Variants in CPS1 observed in about 807,000 individuals in gnomAD.
CPS1 encodes carbamoyl-phosphate synthase [ammonia], mitochondrial.
A neutral mutation model predicts 174.6 loss-of-function variants in CPS1; 109 were observed. The ratio of observed to expected loss-of-function variants is 0.62; its 90% CI spans 0.53 to 0.73. The LOEUF is 0.73. CPS1 is among the 30% of genes least tolerant of loss of function. CPS1 has a pLI of 0.00. For missense variants in CPS1, 1,689 were observed against 1,821.9 expected, an observed-to-expected ratio of 0.93 and a Z score of 1.33; for synonymous variants, 637 against 632.0, an observed-to-expected ratio of 1.01 and a Z score of -0.12.
chr2:210,564,065 T>G (rs915722446), intron 1 of CPS1, among the ~76,000 whole-genome samples: 4 of 152,208 alleles, frequency 2.6e-5, no homozygotes, highest in Admixed American at 1.3e-4. Context: ...AAATGTAGGC[T>G]TACAATGAAT....
In CPS1 at chr2:210,497,194, T is replaced by G. The variant is rs77447834; in HGVS notation, c.3+19428T>G. On this transcript the variant is annotated intron_variant, in intron 1 of 38. Transcript: ENST00000430249. ...AAAAAATGTATTACTGTTTTATATC[T>G]ACTTTTGTTTCAAATAATCTTTAAG... Among the ~76,000 whole-genome samples the G allele has an allele frequency of 4.5e-3, 681 of 152,302 alleles. 1 individual carries two copies. The highest frequency in any genetic ancestry group is 7.5e-3 in the Admixed American group (114 of 15,288).
At chr2:210,662,457 A>G (rs1700955740) in intron 32 of CPS1, among the ~76,000 whole-genome samples, 1 of 152,176 alleles carries the variant, frequency 6.6e-6, no homozygotes, top group South Asian at 2.1e-4. Context: ...CAATGGAGCA[A>G]TTGATAAAAT....
At chr2:210,594,456 G>T (rs1698415270) in intron 11 of CPS1, 52 bp from the exon 12 acceptor site, 1 of 1,250,266 alleles carries the variant, frequency 8.0e-7, no homozygotes, top group Admixed American at 1.7e-5. Flanking sequence ...GTTTTATCTG[G>T]TGAACTTAGG....
chr2:210,667,212 T>G (rs898813188), intron 33 of CPS1, among the ~76,000 whole-genome samples: 8 of 152,204 alleles, frequency 5.3e-5, no homozygotes, highest in African/African-American at 1.9e-4. Context: ...GCTTATCAGC[T>G]TAAGGAGATT....
chr2:210,663,270 A>G (rs1171259486), intron 33 of CPS1, 73 bp downstream of exon 33: 3 of 1,388,236 alleles, frequency 2.2e-6, no homozygotes, highest in East Asian at 4.6e-5. Flanking sequence ...ATTTGAATAC[A>G]GTAAAATAAA....
At chr2:210,633,687 G>A (rs1281681815) in intron 21 of CPS1, among the ~76,000 whole-genome samples, 15 of 151,960 alleles carry the variant, frequency 9.9e-5, no homozygotes, top group Admixed American at 9.2e-4. Flanking sequence ...ACAACATAGC[G>A]ACCTTTGAAA....
At chr2:210,544,785 A>G (rs1485324009) in intron 1 of CPS1, among the ~76,000 whole-genome samples, 1 of 152,044 alleles carries the variant, frequency 6.6e-6, no homozygotes, top group Non-Finnish European at 1.5e-5. Flanking sequence ...TATAATAGGT[A>G]TGTAAAAATG....
chr2:210,638,316 G>GA (rs915229096), intron 22 of CPS1, among the ~76,000 whole-genome samples: 1 of 152,010 alleles, frequency 6.6e-6, no homozygotes, highest in African/African-American at 2.4e-5. Flanking sequence ...TATTCATTGT[G>GA]ATAGGGCTGG....
chr2:210,529,576 ATTTTCC>A (rs1696063614), intron 1 of CPS1, among the ~76,000 whole-genome samples: 1 of 151,978 alleles, frequency 6.6e-6, no homozygotes, highest in Non-Finnish European at 1.5e-5. Context: ...TTCAGTCTGC[ATTTTCC>A]TTTGAATCTG....
intron 1 of CPS1, among the ~76,000 whole-genome samples, chr2:210,510,862 A>C (rs1365313785): frequency 6.6e-6 from 1 of 152,232 alleles, no homozygotes; most frequent in Admixed American, 6.5e-5. Flanking sequence ...AATGGCGATC[A>C]TTAAGAAGTC....
rs186938266 is a variant in CPS1 at position 210,538,954 on chromosome 2, C to G, written c.4-17765C>G. Among the ~76,000 whole-genome samples, 424 of 152,186 alleles carry G rather than the reference C, an allele frequency of 2.8e-3. 1 individual carries two copies. Among genetic ancestry groups the G allele is most frequent in the African/African-American group, 9.4e-3 (391 of 41,532 alleles). On this transcript the variant is annotated intron_variant, in intron 1 of 38. Coordinates refer to the CPS1 transcript ENST00000430249. ...TGATAATACCCCTTCAGACCTTTTTCTAGTCACTTACAGGTAAAAATTGTA... is the reference window on the plus strand; with the variant it reads ...TGATAATACCCCTTCAGACCTTTTTGTAGTCACTTACAGGTAAAAATTGTA...
intron 4 of CPS1, among the ~76,000 whole-genome samples, chr2:210,578,779 A>C (rs33949976): frequency 0.061 from 9,330 of 152,210 alleles, 384 homozygotes; most frequent in Middle Eastern, 0.14. Context: ...CCAGGCAGCT[A>C]ATTTCTGTAA....
intron 33 of CPS1, 105 bp downstream of exon 33, chr2:210,663,302 C>A: frequency 9.5e-7 from 1 of 1,047,720 alleles, no homozygotes; most frequent in Non-Finnish European, 1.4e-6. Flanking sequence ...CATCTGCTAT[C>A]AGAGTAAGAC....
At chr2:210,606,634 C>A in intron 17 of CPS1, 97 bp from the exon 18 acceptor site, 1 of 1,114,310 alleles carries the variant, frequency 9.0e-7, no homozygotes, top group Non-Finnish European at 1.4e-6. Context: ...AACCCTCAGA[C>A]TGTTCTATGT....
At chr2:210,499,824 C>T (rs541394536) in intron 1 of CPS1, among the ~76,000 whole-genome samples, 52 of 152,224 alleles carry the variant, frequency 3.4e-4, no homozygotes, top group Non-Finnish European at 5.9e-4. Flanking sequence ...CAGATGCCAT[C>T]ATGAGGGCTG....
chr2:210,578,117 C>CT (rs1361601713), intron 4 of CPS1, among the ~76,000 whole-genome samples: 3 of 151,676 alleles, frequency 2.0e-5, no homozygotes, highest in East Asian at 1.9e-4. Flanking sequence ...AATTTCTTTT[C>CT]TTTTTTTTGA....
In CPS1 at chr2:210,606,779, T is replaced by G; in HGVS notation, c.2030T>G (p.Phe677Cys). Residue 677 changes from phenylalanine to cysteine, a missense_variant, in exon 18 of 38, where the codon TTT (phenylalanine) becomes TGT (cysteine). Coordinates refer to ENST00000233072, the MANE Select transcript of CPS1 (RefSeq NM_001875.5). Reference sequence around the variant, plus strand: ...GCCCAGACACTCTCCAATGCCGAGTTTCAGATGTTGAGACGTACTTCAATC... The same window carrying G: ...GCCCAGACACTCTCCAATGCCGAGTGTCAGATGTTGAGACGTACTTCAATC... ...APAQTLSNAE[F>C]QMLRRTSINV... 1.9e-6 allele frequency: 3 copies of G among 1,612,544 alleles called. No homozygotes were observed. Among genetic ancestry groups the G allele is most frequent in the Non-Finnish European group, 2.5e-6 (3 of 1,179,058 alleles).
At chr2:210,572,324 GT>G (rs1697528220) in intron 1 of CPS1, among the ~76,000 whole-genome samples, 1 of 151,900 alleles carries the variant, frequency 6.6e-6, no homozygotes. Context: ...TTGCAGATAT[GT>G]TTTTCTTTAT....
chr2:210,644,968 T>A (rs1700331940), intron 25 of CPS1, among the ~76,000 whole-genome samples: 1 of 152,182 alleles, frequency 6.6e-6, no homozygotes, highest in Non-Finnish European at 1.5e-5. Context: ...TATTTGAAAT[T>A]TAGAATATTT....
Sources: gnomAD v4.1 joint callset for allele counts (sites outside exome capture counted in the v4.1 genomes callset) on GRCh38, gnomAD v4.1.1 for gene constraint, MANE v1.5 for transcripts, NCBI Gene and HGNC (gene_info 2026-07-23, HGNC 2026-07-21) for gene names.